PCDH15: variants seen among roughly 807,000 people sequenced by gnomAD.
PCDH15 encodes the protein protocadherin-15.
PCDH15 carries 129 observed loss-of-function variants against 178.5 expected under a neutral mutation model. That is an observed-to-expected ratio of 0.72 (90% CI 0.63 to 0.84). PCDH15 has a LOEUF of 0.84. Among genes scored for constraint, PCDH15 ranks in the 40% least tolerant of loss-of-function variants. The pLI, the probability that PCDH15 is intolerant of heterozygous loss-of-function variation, is 0.00. For missense variants in PCDH15, 2,230 were observed against 2,099.9 expected, an observed-to-expected ratio of 1.06 and a Z score of -1.21; for synonymous variants, 800 against 732.0, an observed-to-expected ratio of 1.09 and a Z score of -1.50.
At chr10:55,084,675 T>C (rs1842122067) in intron 2 of PCDH15, among the ~76,000 whole-genome samples, 1 of 151,866 alleles carries the variant, frequency 6.6e-6, no homozygotes, top group Non-Finnish European at 1.5e-5. Flanking sequence ...TAACTATCCA[T>C]CTAACAAGGG....
At chr10:55,336,111 C>T (rs7913224) in intron 2 of PCDH15, among the ~76,000 whole-genome samples, 73,630 of 133,374 alleles carry the variant, frequency 0.55, 19,974 homozygotes, top group African/African-American at 0.61. Context: ...CAAAATATGG[C>T]ACCTTGGTAT....
chr10:55,018,134 C>A (rs1034241554), intron 2 of PCDH15, among the ~76,000 whole-genome samples: 1 of 151,806 alleles, frequency 6.6e-6, no homozygotes, highest in African/African-American at 2.4e-5. Context: ...TTTCATCTAC[C>A]CATTAACCTA....
At chr10:54,508,410 A>T (rs1220793520) in intron 3 of PCDH15, among the ~76,000 whole-genome samples, 1 of 152,058 alleles carries the variant, frequency 6.6e-6, no homozygotes, top group Admixed American at 6.6e-5. Context: ...TCTTTGACTT[A>T]TGATGAGATT....
chr10:54,892,998 C>T (rs890706743), intron 3 of PCDH15, among the ~76,000 whole-genome samples: 1 of 151,942 alleles, frequency 6.6e-6, no homozygotes, highest in Admixed American at 6.6e-5. Flanking sequence ...CTGGACTTTT[C>T]AAACATTCAT....
rs190773725 is a variant in PCDH15, at chr10:54,528,405, G to A, written c.92-528C>T. 3.2e-6 allele frequency: 5 copies of A among 1,574,028 alleles called. No individual in the cohort carries two copies. In the African/African-American group the frequency reaches 6.8e-5, roughly 21 times the overall value. ...CATCTTACCCTCATATTGCCAGTCT[G>A]GAGTCAAAAGTATAGAGTCATCAAT... On this transcript the variant is annotated intron_variant, in intron 2 of 37. Transcript: ENST00000644397.
At chr10:54,914,999 C>T (rs1813947933) in intron 2 of PCDH15, among the ~76,000 whole-genome samples, 1 of 152,202 alleles carries the variant, frequency 6.6e-6, no homozygotes, top group Admixed American at 6.5e-5. Flanking sequence ...CCCTGTATCA[C>T]TGGTGAAACC....
chr10:55,621,936 C>G (rs145430478), intron 2 of PCDH15, among the ~76,000 whole-genome samples: 1,521 of 147,406 alleles, frequency 0.01, 29 homozygotes, highest in African/African-American at 0.035. Context: ...ACATTGAAAC[C>G]CTTTTTAAAG....
intron 3 of PCDH15, among the ~76,000 whole-genome samples, chr10:54,405,692 T>C (rs1203467000): frequency 1.3e-5 from 2 of 150,870 alleles, no homozygotes; most frequent in African/African-American, 4.9e-5. Flanking sequence ...AAAATAAAAG[T>C]TAAATTAAAA....
intron 35 of PCDH15, 119 bp from the exon 36 acceptor site, chr10:53,811,738 T>A (rs560655150): frequency 3.7e-5 from 20 of 537,078 alleles, no homozygotes; most frequent in Non-Finnish European, 5.4e-5. Context: ...AAAATAACTT[T>A]AAATACAAGT....
chr10:54,697,515 G>GTGTATATATATACATATATA (rs1555156234), intron 1 of PCDH15, among the ~76,000 whole-genome samples: 39 of 143,112 alleles, frequency 2.7e-4, no homozygotes, highest in African/African-American at 9.8e-4. Flanking sequence ...TGAAATGTGT[G>GTGTATATATATACATATATA]TATATATATA....
At chr10:54,640,119 G>C (rs959553543) in intron 2 of PCDH15, among the ~76,000 whole-genome samples, 3 of 151,854 alleles carry the variant, frequency 2.0e-5, no homozygotes, top group Admixed American at 2.0e-4. Flanking sequence ...AAACCAGTTA[G>C]AAAACAAAAT....
At chr10:54,450,067 G>T (rs552602964) in intron 3 of PCDH15, among the ~76,000 whole-genome samples, 2 of 150,162 alleles carry the variant, frequency 1.3e-5, no homozygotes, top group Non-Finnish European at 3.0e-5. Flanking sequence ...AGAACCTCTC[G>T]GGAAAACCAT....
intron 2 of PCDH15, among the ~76,000 whole-genome samples, chr10:55,504,628 GA>G (rs911476159): frequency 1.7e-4 from 25 of 150,836 alleles, no homozygotes; most frequent in Middle Eastern, 3.6e-3. Context: ...AGAATGAAAA[GA>G]AAAAAATTCA....
chr10:55,385,661 C>T (rs1164123974), intron 2 of PCDH15, among the ~76,000 whole-genome samples: 2 of 142,774 alleles, frequency 1.4e-5, no homozygotes, highest in African/African-American at 5.2e-5. Context: ...TCTGTCTCTG[C>T]CTGTCTAGCC....
chr10:54,680,394 C>T (rs973535913), intron 1 of PCDH15, among the ~76,000 whole-genome samples: 4 of 152,056 alleles, frequency 2.6e-5, no homozygotes, highest in Non-Finnish European at 5.9e-5. Context: ...AATGATCAGG[C>T]ATATTTTTAA....
intron 8 of PCDH15, among the ~76,000 whole-genome samples, chr10:54,292,809 T>C (rs955299762): frequency 6.6e-6 from 1 of 151,688 alleles, no homozygotes; most frequent in African/African-American, 2.4e-5. Flanking sequence ...TGCTCAATGA[T>C]ATAAAAGACA....
chr10:55,028,304 C>T (rs1331184080), intron 2 of PCDH15, among the ~76,000 whole-genome samples: 1 of 151,504 alleles, frequency 6.6e-6, no homozygotes, highest in Non-Finnish European at 1.5e-5. Context: ...TAGGGCAATA[C>T]TAAAGAAAAT....
At chr10:53,922,412 T>C (rs1240095801) in intron 25 of PCDH15, among the ~76,000 whole-genome samples, 1 of 152,198 alleles carries the variant, frequency 6.6e-6, no homozygotes, top group Non-Finnish European at 1.5e-5. Flanking sequence ...GGTGTAGACA[T>C]ATTTACCCTA....
At chr10:54,577,859 T>C (rs1352802367) in intron 2 of PCDH15, among the ~76,000 whole-genome samples, 3 of 105,074 alleles carry the variant, frequency 2.9e-5, no homozygotes, top group African/African-American at 1.1e-4. Flanking sequence ...AATGAATAAA[T>C]AAATAAATAA....
Sources: allele counts gnomAD v4.1 joint callset (sites outside exome capture counted in the v4.1 genomes callset), GRCh38; gene constraint gnomAD v4.1.1; transcripts MANE v1.5; gene names NCBI Gene and HGNC (gene_info 2026-07-23, HGNC 2026-07-21).